The following CCSER2 variants were observed in gnomAD, a reference collection of about 807,000 sequenced individuals.
CCSER2 encodes serine-rich coiled-coil domain-containing protein 2.
CCSER2 carries 46 observed loss-of-function variants against 92.3 expected under a neutral mutation model. The observed-to-expected ratio is 0.50, with a 90% CI of 0.39 to 0.64. CCSER2 has a LOEUF of 0.64. Among genes scored for constraint, CCSER2 ranks in the 30% least tolerant of loss-of-function variants. The pLI is 0.00. For missense variants in CCSER2, 1,244 were observed against 1,238.9 expected, an observed-to-expected ratio of 1.00 and a Z score of -0.06; for synonymous variants, 433 against 431.4, an observed-to-expected ratio of 1.00 and a Z score of -0.04.
At chr10:84,419,412 A>T (rs1177867798) in intron 4 of CCSER2, among the ~76,000 whole-genome samples, 1 of 152,080 alleles carries the variant, frequency 6.6e-6, no homozygotes, top group Non-Finnish European at 1.5e-5. Flanking sequence ...TAACCTGACA[A>T]CTATCTTCAT....
At position 84,438,659 on chromosome 10, in the gene CCSER2, C is replaced by T; in HGVS notation, c.2016C>T (p.Cys672=). ...CCCTTCGGCACATGGTTCAGGATTG[C>T]ACTGCTGTAAAAACTCAGTTACTCA... ...EMTLRHMVQD[C]TAVKTQLLKL... Residue 672 remains cysteine (C), a synonymous_variant, in exon 6 of 10, where the codon TGC becomes TGT. Transcript: ENST00000372088. 2 of 1,612,620 alleles carry T rather than the reference C, an allele frequency of 1.2e-6. No individual in the cohort carries two copies.
At chr10:84,499,909 A>C in intron 9 of CCSER2, 1 of 1,613,886 alleles carries the variant, frequency 6.2e-7, no homozygotes, top group Non-Finnish European at 8.5e-7. Flanking sequence ...TCTCCTTGGC[A>C]GGGCTCCTTC....
At chr10:84,354,263 T>TA (rs397771458) in intron 1 of CCSER2, among the ~76,000 whole-genome samples, 7 of 151,510 alleles carry the variant, frequency 4.6e-5, no homozygotes, top group East Asian at 3.9e-4. Context: ...TTTTTTTTTT[T>TA]AAATAGGGTT....
intron 1 of CCSER2, among the ~76,000 whole-genome samples, chr10:84,339,118 T>C (rs999083039): frequency 3.9e-5 from 5 of 129,718 alleles, no homozygotes; most frequent in African/African-American, 1.4e-4. Flanking sequence ...CTTTTCTTTT[T>C]TTTTTGTTTT....
chr10:84,506,731 G>A (rs1849069507), intron 9 of CCSER2, among the ~76,000 whole-genome samples: 1 of 152,032 alleles, frequency 6.6e-6, no homozygotes, highest in Non-Finnish European at 1.5e-5. Flanking sequence ...GGAGGTGGAG[G>A]CTGCATTGAG....
At chr10:84,437,130 T>TAC (rs141781493) in intron 5 of CCSER2, among the ~76,000 whole-genome samples, 7,893 of 147,464 alleles carry the variant, frequency 0.054, 271 homozygotes, top group Admixed American at 0.075. Flanking sequence ...GCCAACCAAA[T>TAC]ACACACACAC....
At chr10:84,434,847 G>A (rs994209991) in intron 5 of CCSER2, among the ~76,000 whole-genome samples, 5 of 152,168 alleles carry the variant, frequency 3.3e-5, no homozygotes, top group Admixed American at 3.3e-4. Flanking sequence ...CCTGTGTGTT[G>A]TGTGGCTAGT....
intron 6 of CCSER2, among the ~76,000 whole-genome samples, chr10:84,448,237 C>T (rs958144575): frequency 6.6e-6 from 1 of 152,160 alleles, no homozygotes; most frequent in African/African-American, 2.4e-5. Context: ...CTCTGGCAGT[C>T]TTTGCCAGGC....
chr10:84,459,110 C>T (rs944721516), intron 6 of CCSER2, among the ~76,000 whole-genome samples: 11 of 152,130 alleles, frequency 7.2e-5, no homozygotes, highest in Non-Finnish European at 1.0e-4. Flanking sequence ...TGGATTCAAG[C>T]GATTCTCCTG....
intron 4 of CCSER2, among the ~76,000 whole-genome samples, chr10:84,420,243 T>C (rs996142416): frequency 3.9e-5 from 6 of 152,158 alleles, no homozygotes; most frequent in South Asian, 2.1e-4. Context: ...GAGGTCTTGA[T>C]TGGGGACTTG....
intron 1 of CCSER2, among the ~76,000 whole-genome samples, chr10:84,361,173 A>G (rs1189440371): frequency 6.6e-6 from 1 of 152,218 alleles, no homozygotes; most frequent in African/African-American, 2.4e-5. Context: ...GTTGAGGCCC[A>G]TGAGGAAGAG....
intron 3 of CCSER2, among the ~76,000 whole-genome samples, chr10:84,385,275 CA>C (rs1841137963): frequency 6.6e-6 from 1 of 151,824 alleles, no homozygotes; most frequent in Non-Finnish European, 1.5e-5. Context: ...CAAGTGGAAC[CA>C]AAAAAACACC....
At chr10:84,422,628 A>ATCAGC (rs1843206806) in intron 4 of CCSER2, among the ~76,000 whole-genome samples, 1 of 152,080 alleles carries the variant, frequency 6.6e-6, no homozygotes, top group South Asian at 2.1e-4. Flanking sequence ...TGGGTTTTTG[A>ATCAGC]ACTGGGATAC....
Position 84,513,656 on chromosome 10 carries a change from C to T in CCSER2, c.2533C>T (p.Pro845Ser), listed in dbSNP as rs1849484541. ...GLEEQPFSSG[P>S]QLTMDVAKST... ...GGAAGAGCAGCCTTTTTCATCAGGC[C>T]CACAATTAACAATGGATGTGGCTAA... Residue 845 changes from proline to serine, a missense_variant, in exon 10 of 10, where the codon CCA becomes TCA. Coordinates refer to ENST00000372088, the MANE Select transcript of CCSER2 (RefSeq NM_001284240.2). The T allele has an allele frequency of 1.3e-6, 2 of 1,573,676 alleles. No individual in the cohort carries two copies. Among genetic ancestry groups the T allele is most frequent in the Non-Finnish European group, 1.7e-6 (2 of 1,162,132 alleles).
At chr10:84,479,980 C>T (rs1321767535) in intron 9 of CCSER2, among the ~76,000 whole-genome samples, 3 of 152,184 alleles carry the variant, frequency 2.0e-5, no homozygotes, top group Non-Finnish European at 4.4e-5. Flanking sequence ...CCCAGGTTTG[C>T]ACTGCATGGT....
At chr10:84,386,739 A>C (rs1841232893) in intron 3 of CCSER2, among the ~76,000 whole-genome samples, 1 of 152,224 alleles carries the variant, frequency 6.6e-6, no homozygotes, top group African/African-American at 2.4e-5. Context: ...TCCAGAAAAC[A>C]AAACACAACA....
chr10:84,466,074 T>C (rs1846410185), intron 7 of CCSER2, among the ~76,000 whole-genome samples: 2 of 152,230 alleles, frequency 1.3e-5, no homozygotes, highest in South Asian at 4.1e-4. Flanking sequence ...ATTTATTTCT[T>C]GTCCCTGCTC....
intron 9 of CCSER2, among the ~76,000 whole-genome samples, chr10:84,489,703 T>C (rs575528386): frequency 1.3e-5 from 2 of 152,318 alleles, no homozygotes; most frequent in African/African-American, 2.4e-5. Context: ...AATTTGCCAG[T>C]CTGTGTCTTT....
intron 1 of CCSER2, among the ~76,000 whole-genome samples, chr10:84,340,624 TTCTCTGGTTTTTTTTTTTCCTCTTTGACG>T (rs1173854011): frequency 2.6e-5 from 4 of 152,106 alleles, no homozygotes; most frequent in Admixed American, 6.5e-5. Flanking sequence ...ATTTTTTTCC[TTCTCTGGTTTTTTTTTTTCCTCTTTGACG>T]TCTCTATTTG....
Sources: gnomAD v4.1 joint callset for allele counts (sites outside exome capture counted in the v4.1 genomes callset) on GRCh38, gnomAD v4.1.1 for gene constraint, MANE v1.5 for transcripts, NCBI Gene and HGNC (gene_info 2026-07-23, HGNC 2026-07-21) for gene names.